The following PITPNM2 variants were observed in gnomAD, a reference collection of about 807,000 sequenced individuals.
PITPNM2 encodes the protein membrane-associated phosphatidylinositol transfer protein 2.
In PITPNM2, 35 loss-of-function variants were observed where a neutral mutation model predicts 132.2. The ratio of observed to expected loss-of-function variants is 0.26; its 90% confidence interval spans 0.20 to 0.35. PITPNM2 has a LOEUF of 0.35. Ranked by LOEUF, PITPNM2 falls within the 10% of genes least tolerant of loss-of-function variation. PITPNM2 has a pLI of 1.00. For missense variants in PITPNM2, 1,332 were observed against 1,912.0 expected, an observed-to-expected ratio of 0.70 and a Z score of 5.66; for synonymous variants, 738 against 799.2, an observed-to-expected ratio of 0.92 and a Z score of 1.29.
rs780674762 is a variant in PITPNM2 at position 123,095,813 on chromosome 12, G to A, written c.-96+14572C>T. On this transcript the variant is annotated intron_variant, in intron 2 of 25. Coordinates refer to ENST00000320201, the MANE Select transcript of PITPNM2 (RefSeq NM_020845.3). The surrounding 1 kb of genome is among the most constrained non-coding windows in gnomAD (Gnocchi z 5.0). ...TACACGCAACCCTGCCTCCTGTGTCGTGTGAACTCAGCACCCCACAGGATC... is the reference window on the plus strand; with the variant it reads ...TACACGCAACCCTGCCTCCTGTGTCATGTGAACTCAGCACCCCACAGGATC... 1.3e-5 allele frequency among the ~76,000 whole-genome samples: 2 copies of A among 152,220 alleles called. No homozygotes were observed. Among genetic ancestry groups the A allele is most frequent in the African/African-American group, 4.8e-5 (2 of 41,456 alleles).
In PITPNM2 at chr12:123,000,633, C is replaced by A; in HGVS notation, c.1224+145G>T. 1 of 919,364 alleles carries A rather than the reference C, an allele frequency of 1.1e-6. No individual in the cohort carries two copies. The highest frequency in any genetic ancestry group is 2.3e-5 in the Admixed American group (1 of 42,954). 57.0% of individuals were successfully genotyped at this position (919,364 alleles called of 1,614,324 possible). The stretch of plus-strand genomic sequence containing the variant: ...GGGCAGCAAAAAAGGAGGCCCAGGC[C>A]TCTCCCCAGACAGTACCCAGGCAGG... On this transcript the variant is annotated intron_variant, in intron 10 of 25. Transcript: ENST00000320201. The surrounding 1 kb of genome is among the most constrained non-coding windows in gnomAD (Gnocchi z 5.4).
intron 2 of PITPNM2, among the ~76,000 whole-genome samples, chr12:123,034,895 G>A (rs757570369): frequency 5.3e-5 from 8 of 152,218 alleles, no homozygotes; most frequent in Non-Finnish European, 1.2e-4. Flanking sequence ...CAAGTGAGAG[G>A]CTATGTGTAA....
intron 23 of PITPNM2, 114 bp downstream of exon 23, chr12:122,987,167 C>T (rs574324701): frequency 6.0e-4 from 873 of 1,462,188 alleles, no homozygotes; most frequent in Non-Finnish European, 7.3e-4. Flanking sequence ...AGGCCCAGTG[C>T]CCGAGCCAGG....
At chr12:123,016,678 T>C (rs1015593451) in intron 3 of PITPNM2, among the ~76,000 whole-genome samples, 3 of 152,102 alleles carry the variant, frequency 2.0e-5, no homozygotes, top group Non-Finnish European at 4.4e-5. Flanking sequence ...AAAGAATCAA[T>C]GCTGGTTGGC....
At chr12:123,050,450 A>T (rs1202511281) in intron 2 of PITPNM2, among the ~76,000 whole-genome samples, 5 of 152,192 alleles carry the variant, frequency 3.3e-5, no homozygotes, top group Admixed American at 6.5e-5. Flanking sequence ...GAATGGTACC[A>T]GACTCTGTAT....
Position 122,986,755 on chromosome 12 carries a change from G to T in PITPNM2, c.3488C>A (p.Ala1163Glu). The change falls in exon 24 of 26, where the codon GCG (alanine) becomes GAG (glutamate). Residue 1163 changes from alanine (A) to glutamate (E), a missense_variant. This residue lies in a region of PITPNM2 where 251 missense variants were observed against 472.0 expected (regional missense o/e 0.53). Coordinates refer to ENST00000320201, the MANE Select transcript of PITPNM2 (RefSeq NM_020845.3). ...RPDMQKQRVV[A>E]WLAQHNFPHG... ...GGGGAAGTTGTGCTGGGCCAGCCAC[G>T]CCACCACCCGCTGCTTCTGCATGTC... 6.2e-7 allele frequency: 1 copy of T among 1,613,526 alleles called. No individual in the cohort carries two copies. Among genetic ancestry groups the T allele is most frequent in the Non-Finnish European group, 8.5e-7 (1 of 1,179,990 alleles).
chr12:123,011,145 T>G (rs1031903257), intron 5 of PITPNM2, among the ~76,000 whole-genome samples: 1 of 152,260 alleles, frequency 6.6e-6, no homozygotes, highest in Non-Finnish European at 1.5e-5. Context: ...AGAGCCCCAG[T>G]AAAGGGTTTG....
intron 2 of PITPNM2, among the ~76,000 whole-genome samples, chr12:123,104,151 G>A (rs910339028): frequency 1.3e-5 from 2 of 152,158 alleles, no homozygotes; most frequent in South Asian, 2.1e-4. Flanking sequence ...GCCTGGTCTC[G>A]AACTCCCGAC....
Position 122,986,765 on chromosome 12 carries a change from G to C in PITPNM2, c.3478C>G (p.Arg1160Gly). 1 of 1,613,564 alleles carries C rather than the reference G, an allele frequency of 6.2e-7. No individual in the cohort carries two copies. Among genetic ancestry groups the C allele is most frequent in the Non-Finnish European group, 8.5e-7 (1 of 1,179,988 alleles). The change falls in exon 24 of 26, where the codon CGG (arginine) becomes GGG (glycine). Residue 1160 changes from arginine (R) to glycine (G), a missense_variant. Around this residue, in one of 6 missense-constraint regions of PITPNM2, gnomAD observed 251 missense variants for 472.0 expected, o/e 0.53. Coordinates refer to ENST00000320201, the MANE Select transcript of PITPNM2 (RefSeq NM_020845.3). ...TGCTGGGCCAGCCACGCCACCACCC[G>C]CTGCTTCTGCATGTCGGGCCGGCCC... is the stretch of plus-strand genomic sequence containing the variant. Reference protein sequence around the residue: ...VTGRPDMQKQRVVAWLAQHNF... With the variant: ...VTGRPDMQKQGVVAWLAQHNF...
At chr12:123,013,108 T>C (rs2039277453) in intron 4 of PITPNM2, among the ~76,000 whole-genome samples, 1 of 152,204 alleles carries the variant, frequency 6.6e-6, no homozygotes, top group Non-Finnish European at 1.5e-5. Context: ...AAGCCAGCTC[T>C]GACAATGGGG....
chr12:123,043,386 C>T (rs946336971), intron 2 of PITPNM2, among the ~76,000 whole-genome samples: 2 of 152,098 alleles, frequency 1.3e-5, no homozygotes, highest in Non-Finnish European at 2.9e-5. Flanking sequence ...CAGCTCCTAC[C>T]CCCACCCCCC....
intron 2 of PITPNM2, among the ~76,000 whole-genome samples, chr12:123,075,370 AC>A (rs2041752002): frequency 1.3e-5 from 2 of 152,154 alleles, no homozygotes; most frequent in South Asian, 4.1e-4. Flanking sequence ...AGAATCTCTG[AC>A]CCGCATCAGA....
intron 3 of PITPNM2, among the ~76,000 whole-genome samples, chr12:123,024,445 A>G (rs1199247584): frequency 2.0e-5 from 3 of 152,248 alleles, no homozygotes; most frequent in Non-Finnish European, 4.4e-5. Flanking sequence ...AAAGGAAAAC[A>G]TATGTCCACA....
chr12:123,121,617 G>A (rs545957982), intron 1 of PITPNM2, among the ~76,000 whole-genome samples: 35 of 152,226 alleles, frequency 2.3e-4, no homozygotes, highest in Middle Eastern at 3.4e-3. Context: ...CATGATTACA[G>A]CTCATTGCAA....
intron 1 of PITPNM2, among the ~76,000 whole-genome samples, chr12:123,120,296 G>C (rs2043011004): frequency 1.3e-5 from 2 of 152,174 alleles, no homozygotes; most frequent in Admixed American, 1.3e-4. Flanking sequence ...TGGAATCTGT[G>C]TTTTGGCTGT....
At chr12:123,121,613 T>A (rs1478114206) in intron 1 of PITPNM2, among the ~76,000 whole-genome samples, 1 of 151,192 alleles carries the variant, frequency 6.6e-6, no homozygotes, top group Non-Finnish European at 1.5e-5. Context: ...GGGGCATGAT[T>A]ACAGCTCATT....
intron 2 of PITPNM2, among the ~76,000 whole-genome samples, chr12:123,063,074 G>A (rs540992204): frequency 2.0e-5 from 3 of 152,366 alleles, no homozygotes; most frequent in East Asian, 3.9e-4. Context: ...CCACAAGGAC[G>A]CAGAGCCCAG....
chr12:123,080,793 A>C (rs1407442908), intron 2 of PITPNM2, among the ~76,000 whole-genome samples: 1 of 152,126 alleles, frequency 6.6e-6, no homozygotes, highest in Non-Finnish European at 1.5e-5. Context: ...CAGCTTCTTC[A>C]GCTGTGAATG....
chr12:123,118,438 T>C (rs2042970727), intron 1 of PITPNM2, among the ~76,000 whole-genome samples: 1 of 152,182 alleles, frequency 6.6e-6, no homozygotes, highest in African/African-American at 2.4e-5. Context: ...AAAATCTCTA[T>C]CAAGGCTCTA....
Sources: gnomAD v4.1 joint callset for allele counts (sites outside exome capture counted in the v4.1 genomes callset) on GRCh38, gnomAD v4.1.1 for gene constraint, gnomAD v4.1.1 regional missense constraint, Gnocchi (gnomAD v3.1) non-coding constraint, MANE v1.5 for transcripts, NCBI Gene and HGNC (gene_info 2026-07-23, HGNC 2026-07-21) for gene names.